Variants in DNAJB12 observed in about 807,000 individuals in gnomAD.
DNAJB12 encodes the protein DnaJ heat shock protein family (Hsp40) member B12.
Under a neutral mutation model 40.6 loss-of-function variants are expected in DNAJB12, and 14 were observed. The observed-to-expected ratio is 0.34, with a 90% confidence interval of 0.23 to 0.54. DNAJB12 has a LOEUF of 0.54. Among genes scored for constraint, DNAJB12 ranks in the 20% least tolerant of loss-of-function variants. The pLI, the probability that DNAJB12 is intolerant of heterozygous loss-of-function variation, is 0.92. For missense variants in DNAJB12, 444 were observed against 501.7 expected, an observed-to-expected ratio of 0.89 and a Z score of 1.10; for synonymous variants, 181 against 199.5, an observed-to-expected ratio of 0.91 and a Z score of 0.78.
chr10:72,347,398 C>T (rs545760499), intron 1 of DNAJB12, among the ~76,000 whole-genome samples: 2 of 152,212 alleles, frequency 1.3e-5, no homozygotes, highest in Non-Finnish European at 2.9e-5. Flanking sequence ...AGTCAGGAAG[C>T]CTTCCTGGAG....
chr10:72,335,279 G>C lies in DNAJB12; in HGVS notation c.*30+501C>G. The C allele has an allele frequency of 3.0e-6, 3 of 987,320 alleles. No individual in the cohort carries two copies. Among genetic ancestry groups the C allele is most frequent in the Non-Finnish European group, 3.6e-6 (3 of 830,902 alleles). 61.2% of individuals were successfully genotyped at this position (987,320 alleles called of 1,614,324 possible). A position where few individuals can be genotyped will look rare whatever the true frequency, so the allele number is the denominator to read the frequency against. On this transcript the variant is annotated intron_variant, in intron 8 of 8. Transcript: ENST00000444643. The surrounding 1 kb of genome is among the most constrained non-coding windows in gnomAD (Gnocchi z 4.4). ...CATCTTGCTCCATTTCCTCCTAGCT[G>C]GAGGGATGGAGAAAGGGGAGGGCTC...
rs3750784 is a variant in DNAJB12 at position 72,336,620 on chromosome 10, C to T, written c.910G>A (p.Glu304Lys). The T allele has an allele frequency of 4.7e-4, 766 of 1,614,170 alleles. 8 individuals are homozygous for T. The East Asian group carries it at 0.015, about 32-fold the overall frequency. Reference protein sequence around the residue: ...VYYVGDTFSEEYTGSSLKTVE... With the variant: ...VYYVGDTFSEKYTGSSLKTVE... ...GTTTTGAGGCTGGAGCCTGTGTACT[C>T]TTCGGAGAAAGTGTCTCCCACATAG... Residue 304 changes from glutamate (E) to lysine (K), a missense_variant, in exon 7 of 9, where the codon GAG becomes AAG. Physicochemically the swap from Glu to Lys is moderately conservative, Grantham distance 56. Coordinates refer to ENST00000444643, the MANE Select transcript of DNAJB12 (RefSeq NM_017626.7).
intron 5 of DNAJB12, among the ~76,000 whole-genome samples, chr10:72,339,417 C>T (rs1861568248): frequency 6.6e-6 from 1 of 151,980 alleles, no homozygotes; most frequent in Non-Finnish European, 1.5e-5. Context: ...GCCTGTACTC[C>T]CAGCTACGTA....
In DNAJB12 at chr10:72,340,809, G is replaced by A; in HGVS notation, c.703C>T (p.Arg235Cys). The A allele has an allele frequency of 3.1e-6, 5 of 1,614,124 alleles. No individual in the cohort carries two copies. The highest frequency in any genetic ancestry group is 4.2e-6 in the Non-Finnish European group (5 of 1,180,010). Residue 235 changes from arginine to cysteine, a missense_variant, in exon 5 of 9, where the codon CGC becomes TGC. Physicochemically the swap from Arg to Cys is radical, Grantham distance 180 (BLOSUM62 -3). Coordinates refer to ENST00000444643, the MANE Select transcript of DNAJB12 (RefSeq NM_017626.7). ...MRYTYQQRQD[R>C]RDNQGDGGLG... ...CTCACATCACCCTGGTTGTCCCTGCGGTCCTGCCTTTGCTGGTAGGTATAG... is the reference window on the plus strand; with the variant it reads ...CTCACATCACCCTGGTTGTCCCTGCAGTCCTGCCTTTGCTGGTAGGTATAG...
chr10:72,354,672 C>T lies in DNAJB12; in HGVS notation c.133+93G>A, dbSNP rs563929943. ...CGCAGGCGTAGCCGCGCCTCGCCACCCCTCCCCCTCCCCCAACTGCTCCCG... is the reference window on the plus strand; with the variant it reads ...CGCAGGCGTAGCCGCGCCTCGCCACTCCTCCCCCTCCCCCAACTGCTCCCG... On this transcript the variant is annotated intron_variant, in intron 1 of 8. Coordinates refer to ENST00000444643, the MANE Select transcript of DNAJB12 (RefSeq NM_017626.7). The T allele has an allele frequency of 2.7e-3, 3,233 of 1,219,912 alleles. 6 individuals carry two copies. The highest frequency in any genetic ancestry group is 3.3e-3 in the Non-Finnish European group (2,884 of 883,360). The allele number at this position is 1,219,912 out of a possible 1,614,324, so 75.6% of individuals were successfully genotyped here. A position where few individuals can be genotyped will look rare whatever the true frequency, so the allele number is the denominator to read the frequency against.
intron 6 of DNAJB12, 30 bp from the exon 7 acceptor site, chr10:72,336,726 T>G (rs1402119092): frequency 6.2e-7 from 1 of 1,605,990 alleles, no homozygotes; most frequent in Admixed American, 1.7e-5. Flanking sequence ...TCAAAGTGGG[T>G]GCGGGTCCCC....
intron 1 of DNAJB12, among the ~76,000 whole-genome samples, chr10:72,346,470 C>T (rs1157384515): frequency 9.2e-5 from 14 of 152,110 alleles, no homozygotes; most frequent in East Asian, 1.9e-4. Context: ...GGATTACAGG[C>T]GCCCAGCACC....
rs558237096 is a variant in DNAJB12, at chr10:72,338,508, T to C, written c.724-197A>G. On this transcript the variant is annotated intron_variant, in intron 5 of 8. Coordinates refer to ENST00000444643, the MANE Select transcript of DNAJB12 (RefSeq NM_017626.7). ...GATAAAAACAAAGCAGCAACTGGTG[T>C]GAAATACAGGAGGAAGTGAGGTGTC... Among the ~76,000 whole-genome samples the C allele has an allele frequency of 6.7e-5, 10 of 148,440 alleles. 2 individuals are homozygous for C. The East Asian group carries it at 2.0e-3, about 29-fold the overall frequency.
chr10:72,334,704 A>G, intron 8 of DNAJB12, 87 bp from the exon 9 acceptor site: 2 of 1,471,664 alleles, frequency 1.4e-6, no homozygotes, highest in Non-Finnish European at 1.8e-6. Flanking sequence ...CCCCCTTGCC[A>G]CTGCACCGCT....
Position 72,354,828 on chromosome 10 carries a change from G to A in DNAJB12, c.70C>T (p.Pro24Ser). Residue 24 changes from proline (P) to serine (S), a missense_variant, in exon 1 of 9, where the codon CCC becomes TCC. Physicochemically the swap from Pro to Ser is moderately conservative, Grantham distance 74 (BLOSUM62 -1). Coordinates refer to ENST00000444643, the MANE Select transcript of DNAJB12 (RefSeq NM_017626.7). ...TCCAGGAAGCGGAGCGCCCGGTCGG[G>A]CTGGTTGCTCTGGATGGCCTTGAGG... ...IALKAIQSNQ[P>S]DRALRFLEKA... 6.2e-7 allele frequency: 1 copy of A among 1,614,068 alleles called. No homozygotes were observed. The highest frequency in any genetic ancestry group is 8.5e-7 in the Non-Finnish European group (1 of 1,179,920).
Position 72,334,528 on chromosome 10 carries a change from T to C in DNAJB12, c.*120A>G. On this transcript the variant is annotated 3_prime_UTR_variant, in exon 9 of 9. Coordinates refer to ENST00000444643, the MANE Select transcript of DNAJB12 (RefSeq NM_017626.7). ...CGTTCGGCCTCCAATTCCATTTTAA[T>C]TTTGTTTCTTTGTTTGTCTTTCCTC... The C allele has an allele frequency of 6.5e-7, 1 of 1,527,084 alleles. No homozygotes were observed. The highest frequency in any genetic ancestry group is 8.8e-7 in the Non-Finnish European group (1 of 1,138,836). The allele number at this position is 1,527,084 out of a possible 1,614,324, so 94.6% of individuals were successfully genotyped here.
At chr10:72,339,972 A>G (rs1404426764) in intron 5 of DNAJB12, among the ~76,000 whole-genome samples, 1 of 151,986 alleles carries the variant, frequency 6.6e-6, no homozygotes, top group African/African-American at 2.4e-5. Flanking sequence ...TGGCCTCCCA[A>G]ATTTTTGTAA....
chr10:72,340,714 A>T (rs72808127), intron 5 of DNAJB12, 75 bp downstream of exon 5: 64,015 of 1,414,228 alleles, frequency 0.045, 3,398 homozygotes, highest in African/African-American at 0.25. Context: ...GGGAGGGAAC[A>T]CCCTCCTCCA....
chr10:72,344,974 G>A lies in DNAJB12; in HGVS notation c.287C>T (p.Ala96Val), dbSNP rs778429335. The change falls in exon 2 of 9, where the codon GCA (alanine) becomes GTA (valine). Residue 96 changes from alanine to valine, a missense_variant. Ala to Val is a moderately conservative substitution (Grantham distance 64, BLOSUM62 0). Transcript: ENST00000444643. ...CCTTTTCACAGCTGCAACCTGTTCT[G>A]CAGTGTAGCCTTTGGTGCTCTCTCC... ...AGGESTKGYT[A>V]EQVAAVKRVK... 1.2e-6 allele frequency: 2 copies of A among 1,614,222 alleles called. No homozygotes were observed. The highest frequency in any genetic ancestry group is 1.7e-6 in the Non-Finnish European group (2 of 1,180,032).
At position 72,334,432 on chromosome 10, in the gene DNAJB12, C is replaced by T. The variant is rs1465811482; in HGVS notation, c.*216G>A. On this transcript the variant is annotated 3_prime_UTR_variant, in exon 9 of 9. Transcript: ENST00000444643. The stretch of plus-strand genomic sequence containing the variant: ...AGCCCTGCGAGGGAGGGAAGCAGCC[C>T]CATGGCAGGTTTTCTGTCTGTCCTA... The T allele has an allele frequency of 3.9e-5, 36 of 914,020 alleles. No individual in the cohort carries two copies. The highest frequency in any genetic ancestry group is 5.4e-5 in the Non-Finnish European group (32 of 590,094). 56.6% of individuals were successfully genotyped at this position (914,020 alleles called of 1,614,324 possible). A position where few individuals can be genotyped will look rare whatever the true frequency, so the allele number is the denominator to read the frequency against.
Position 72,340,816 on chromosome 10 carries a change from C to A in DNAJB12, c.696G>T (p.Arg232Ser). 1 of 1,614,168 alleles carries A rather than the reference C, an allele frequency of 6.2e-7. No individual in the cohort carries two copies. The highest frequency in any genetic ancestry group is 1.7e-5 in the Admixed American group (1 of 60,024). Reference protein sequence around the residue: ...NGRMRYTYQQRQDRRDNQGDG... With the variant: ...NGRMRYTYQQSQDRRDNQGDG... ...CACCCTGGTTGTCCCTGCGGTCCTG[C>A]CTTTGCTGGTAGGTATAGCGCATGC... Residue 232 changes from arginine (R) to serine (S), a missense_variant, in exon 5 of 9, where the codon AGG becomes AGT. Arg to Ser is a moderately radical substitution (Grantham distance 110, BLOSUM62 -1). Coordinates refer to ENST00000444643, the MANE Select transcript of DNAJB12 (RefSeq NM_017626.7).
At chr10:72,352,429 T>C (rs969662931) in intron 1 of DNAJB12, among the ~76,000 whole-genome samples, 1 of 152,162 alleles carries the variant, frequency 6.6e-6, no homozygotes, top group Admixed American at 6.5e-5. Flanking sequence ...CAAAGCACAA[T>C]TCAAATGTTA....
chr10:72,344,911 C>G (rs1564821679), intron 2 of DNAJB12, 39 bp downstream of exon 2: 1 of 1,611,894 alleles, frequency 6.2e-7, no homozygotes, highest in Non-Finnish European at 8.5e-7. Context: ...CTAGATTTCC[C>G]CAGTCTCCCC....
intron 1 of DNAJB12, chr10:72,353,406 A>C (rs917738387): frequency 1.3e-5 from 2 of 152,322 alleles, no homozygotes; most frequent in Non-Finnish European, 2.9e-5. Flanking sequence ...GCCAAAGATC[A>C]ACCTGCAAGA....
Sources: allele counts gnomAD v4.1 joint callset (sites outside exome capture counted in the v4.1 genomes callset), GRCh38; gene constraint gnomAD v4.1.1; non-coding constraint Gnocchi (gnomAD v3.1); transcripts MANE v1.5; gene names NCBI Gene and HGNC (gene_info 2026-07-23, HGNC 2026-07-21).